RP1: variants seen among roughly 807,000 people sequenced by gnomAD.
RP1 encodes RP1 axonemal microtubule associated, also known as oxygen-regulated protein 1.
In RP1, 16 loss-of-function variants were observed where a neutral mutation model predicts 14.8. The observed-to-expected ratio is 1.08, with a 90% confidence interval of 0.73 to 1.65. The LOEUF is 1.65. Ranked by LOEUF, RP1 falls within the 40% of genes most tolerant of loss-of-function variation. The pLI is 0.00. For synonymous variants in RP1, 876 were observed against 883.6 expected (o/e 0.99, Z 0.15); for missense variants, 2,631 against 2,535.0 (o/e 1.04, Z -0.81).
chr8:54,674,024 G>A (rs1807238818), intron 8 of RP1: 1 of 950,938 alleles, frequency 1.1e-6, no homozygotes, highest in Non-Finnish European at 1.6e-6. Flanking sequence ...AAAATTGGTA[G>A]AAAATGGATC....
intron 24 of RP1, among the ~76,000 whole-genome samples, chr8:54,785,344 G>A (rs911310635): frequency 1.3e-5 from 2 of 149,878 alleles, no homozygotes; most frequent in African/African-American, 2.5e-5. Context: ...GCATGTATCA[G>A]TACTTTATTC....
chr8:54,842,211 G>A (rs957302620), intron 25 of RP1, among the ~76,000 whole-genome samples: 1 of 152,164 alleles, frequency 6.6e-6, no homozygotes, highest in East Asian at 1.9e-4. Flanking sequence ...GAGAACTATA[G>A]CTCAGATACA....
At chr8:54,763,686 A>G (rs1204192445) in intron 22 of RP1, among the ~76,000 whole-genome samples, 1 of 152,108 alleles carries the variant, frequency 6.6e-6, no homozygotes, top group Non-Finnish European at 1.5e-5. Context: ...CATCTCAAAA[A>G]CAAACAAACA....
At chr8:54,635,904 A>G (rs1806337998) in intron 3 of RP1, among the ~76,000 whole-genome samples, 1 of 152,088 alleles carries the variant, frequency 6.6e-6, no homozygotes, top group South Asian at 2.1e-4. Flanking sequence ...AAAGGCATAC[A>G]CAGTCCCAGA....
chr8:54,715,228 A>G (rs551240649), intron 15 of RP1, among the ~76,000 whole-genome samples: 17 of 152,336 alleles, frequency 1.1e-4, no homozygotes, highest in African/African-American at 4.1e-4. Context: ...TGGTGTGAGC[A>G]TGCATCAGAT....
chr8:54,749,998 C>T (rs1809318948), intron 19 of RP1, among the ~76,000 whole-genome samples: 1 of 151,948 alleles, frequency 6.6e-6, no homozygotes, highest in African/African-American at 2.4e-5. Context: ...GTAGGAGAGC[C>T]AAAGGAGACT....
At chr8:54,655,870 A>G (rs999277354) in intron 5 of RP1, among the ~76,000 whole-genome samples, 1 of 152,000 alleles carries the variant, frequency 6.6e-6, no homozygotes, top group Non-Finnish European at 1.5e-5. Flanking sequence ...AAATAAATAA[A>G]TAAATAGAAA....
intron 16 of RP1, among the ~76,000 whole-genome samples, chr8:54,722,112 G>T (rs1808549209): frequency 6.6e-6 from 1 of 151,724 alleles, no homozygotes. Context: ...TCGTGGTGGT[G>T]CACGCCTGTA....
intron 1 of RP1, among the ~76,000 whole-genome samples, chr8:54,619,176 C>T (rs1335185648): frequency 6.6e-6 from 1 of 152,162 alleles, no homozygotes; most frequent in Non-Finnish European, 1.5e-5. Flanking sequence ...ATTATAATTA[C>T]TTTAAACCTC....
At chr8:54,833,024 C>T (rs900297886) in intron 24 of RP1, among the ~76,000 whole-genome samples, 14 of 151,946 alleles carry the variant, frequency 9.2e-5, no homozygotes, top group African/African-American at 3.4e-4. Context: ...AGCCTTCTGA[C>T]TTGTTTTCTC....
intron 24 of RP1, among the ~76,000 whole-genome samples, chr8:54,813,856 T>C (rs1277105083): frequency 6.6e-6 from 1 of 152,206 alleles, no homozygotes; most frequent in Non-Finnish European, 1.5e-5. Flanking sequence ...AATAGAATTG[T>C]CCAAATGTTT....
intron 7 of RP1, among the ~76,000 whole-genome samples, chr8:54,667,436 G>A (rs1354070170): frequency 6.6e-6 from 1 of 152,152 alleles, no homozygotes; most frequent in Non-Finnish European, 1.5e-5. Flanking sequence ...GGCCAGCCCT[G>A]CAGGCTGTTT....
intron 15 of RP1, among the ~76,000 whole-genome samples, chr8:54,706,994 A>G (rs528128468): frequency 6.6e-6 from 1 of 152,196 alleles, no homozygotes; most frequent in South Asian, 2.1e-4. Context: ...TGGTCCATGA[A>G]TGATGCTTTG....
At chr8:54,747,215 G>T (rs1277085616) in intron 19 of RP1, among the ~76,000 whole-genome samples, 1 of 152,054 alleles carries the variant, frequency 6.6e-6, no homozygotes, top group Non-Finnish European at 1.5e-5. Context: ...AAGCCAGAGT[G>T]ATCTCTTATT....
intron 7 of RP1, among the ~76,000 whole-genome samples, chr8:54,665,443 C>T (rs1330027573): frequency 1.3e-5 from 2 of 152,146 alleles, no homozygotes; most frequent in Admixed American, 6.6e-5. Flanking sequence ...GTGCCAAGTC[C>T]TGTCAGTGCC....
At chr8:54,836,587 A>C (rs1811661565) in intron 24 of RP1, among the ~76,000 whole-genome samples, 1 of 152,204 alleles carries the variant, frequency 6.6e-6, no homozygotes, top group Admixed American at 6.5e-5. Flanking sequence ...CAGGGAACTC[A>C]ATCCTACAGC....
intron 24 of RP1, among the ~76,000 whole-genome samples, chr8:54,817,489 G>T (rs1811161096): frequency 6.6e-6 from 1 of 152,184 alleles, no homozygotes; most frequent in South Asian, 2.1e-4. Context: ...GGTGACAAAT[G>T]AGCCTGTCTA....
chr8:54,627,976 G>A lies in RP1; in HGVS notation c.4094G>A (p.Gly1365Asp), dbSNP rs762999168. ...NLDSTEELER[G>D]DDIQKDLNIL... is the part of the protein sequence containing the mutation. ...GATTCAACTGAAGAGTTAGAAAGAG[G>A]TGATGACATTCAGAAAGATCTAAAT... The change falls in exon 4 of 4, where the codon GGT becomes GAT. Residue 1365 changes from glycine (G) to aspartate (D), a missense_variant. Coordinates refer to ENST00000220676, the MANE Select transcript of RP1 (RefSeq NM_006269.2). The A allele has an allele frequency of 1.2e-6, 2 of 1,614,024 alleles. No individual in the cohort carries two copies. The highest frequency in any genetic ancestry group is 1.6e-4 in the Middle Eastern group (1 of 6,062).
At chr8:54,694,368 T>A (rs1449665009) in intron 12 of RP1, among the ~76,000 whole-genome samples, 2 of 152,226 alleles carry the variant, frequency 1.3e-5, no homozygotes, top group Non-Finnish European at 2.9e-5. Flanking sequence ...CTTTTTCTAT[T>A]GATTGGAATA....
Sources: gnomAD v4.1 joint callset for allele counts (sites outside exome capture counted in the v4.1 genomes callset) on GRCh38, gnomAD v4.1.1 for gene constraint, MANE v1.5 for transcripts, NCBI Gene and HGNC (gene_info 2026-07-23, HGNC 2026-07-21) for gene names.